PARD3B: variants seen among roughly 807,000 people sequenced by gnomAD.
The protein encoded by PARD3B is partitioning defective 3 homolog B.
A neutral mutation model predicts 130.2 loss-of-function variants in PARD3B; 103 were observed. That is an observed-to-expected ratio of 0.79 (90% CI 0.67 to 0.93). The LOEUF is 0.93. Ranked by LOEUF, PARD3B falls within the 40% of genes least tolerant of loss-of-function variation. The pLI is 0.00. For synonymous variants in PARD3B, 583 were observed against 553.2 expected (o/e 1.05, Z -0.76); for missense variants, 1,609 against 1,499.2 (o/e 1.07, Z -1.21).
chr2:204,746,732 T>G (rs1298566918), intron 2 of PARD3B, among the ~76,000 whole-genome samples: 3 of 152,186 alleles, frequency 2.0e-5, no homozygotes, highest in Non-Finnish European at 4.4e-5. Context: ...TGATGGCCAG[T>G]GATGACGAGC....
Position 205,360,670 on chromosome 2 carries a change from G to A in PARD3B, c.2631-40343G>A, listed in dbSNP as rs531027124. 7.2e-5 allele frequency among the ~76,000 whole-genome samples: 11 copies of A among 152,250 alleles called. No individual in the cohort carries two copies. The South Asian group carries it at 2.3e-3, about 32-fold the overall frequency. On this transcript the variant is annotated intron_variant, in intron 18 of 22. Transcript: ENST00000406610. Reference sequence around the variant, plus strand: ...TGGGGTTGGGGCATACCGTGTCATGGCCAGGTGCATGGGCTCTGGGGCTGA... The same window carrying A: ...TGGGGTTGGGGCATACCGTGTCATGACCAGGTGCATGGGCTCTGGGGCTGA...
At chr2:205,219,275 T>C (rs2038112274) in intron 15 of PARD3B, among the ~76,000 whole-genome samples, 1 of 152,180 alleles carries the variant, frequency 6.6e-6, no homozygotes, top group Admixed American at 6.5e-5. Flanking sequence ...GTGATTTAAG[T>C]GAGCTCATCT....
Position 205,193,334 on chromosome 2 carries a change from A to G in PARD3B, c.2140+14A>G. The G allele has an allele frequency of 6.4e-7, 1 of 1,559,950 alleles. No individual in the cohort carries two copies. Among genetic ancestry groups the G allele is most frequent in the Non-Finnish European group, 8.8e-7 (1 of 1,130,864 alleles). Reference sequence around the variant, plus strand: ...GCATGGACCTTGGTAAGCAAGGGTGAGGTGACATCCAGGTCAGCTCTCCAG... The same window carrying G: ...GCATGGACCTTGGTAAGCAAGGGTGGGGTGACATCCAGGTCAGCTCTCCAG... On this transcript the variant is annotated intron_variant, in intron 15 of 22. Transcript: ENST00000406610.
Position 205,301,610 on chromosome 2 carries a change from G to A in PARD3B, c.2539G>A (p.Gly847Ser), listed in dbSNP as rs919457776. ...AGAGAAGGAGAAGAAAAAGGAAAAG[G>A]GCAAATTGAAAGTCAAGGAGAAAAA... ...TKEKEKKKEK[G>S]KLKVKEKKRK... The change falls in exon 18 of 23, where the codon GGC (glycine) becomes AGC (serine). Residue 847 changes from glycine to serine, a missense_variant. Physicochemically the swap from Gly to Ser is moderately conservative, Grantham distance 56 (BLOSUM62 0). Coordinates refer to ENST00000406610, the MANE Select transcript of PARD3B (RefSeq NM_001302769.2). This position sits in a 1 kb window ranked among gnomAD's most constrained non-coding sequence, Gnocchi z 5.2. 2 of 1,613,438 alleles carry A rather than the reference G, an allele frequency of 1.2e-6. No homozygotes were observed. Among genetic ancestry groups the A allele is most frequent in the African/African-American group, 1.3e-5 (1 of 74,840 alleles).
At chr2:204,671,581 C>T (rs1549013) in intron 1 of PARD3B, among the ~76,000 whole-genome samples, 113,230 of 151,952 alleles carry the variant, frequency 0.75, 42,898 homozygotes, top group South Asian at 0.81. Flanking sequence ...CTTTCCTTTT[C>T]CTGTCTGCAT....
intron 2 of PARD3B, among the ~76,000 whole-genome samples, chr2:204,831,624 A>C (rs1234485663): frequency 6.6e-6 from 1 of 152,170 alleles, no homozygotes; most frequent in East Asian, 1.9e-4. Context: ...AACCAGATCT[A>C]TTGAATTTAC....
At chr2:204,913,704 A>G (rs546559098) in intron 2 of PARD3B, among the ~76,000 whole-genome samples, 72 of 152,330 alleles carry the variant, frequency 4.7e-4, no homozygotes, top group African/African-American at 1.6e-3. Flanking sequence ...TGTCTAGTTT[A>G]AGAAGTTTTG....
chr2:205,176,053 G>A lies in PARD3B; in HGVS notation c.1792-392G>A, dbSNP rs560221023. Among the ~76,000 whole-genome samples, 2 of 152,290 alleles carry A rather than the reference G, an allele frequency of 1.3e-5. No individual in the cohort carries two copies. Among genetic ancestry groups the A allele is most frequent in the African/African-American group, 4.8e-5 (2 of 41,562 alleles). On this transcript the variant is annotated intron_variant, in intron 12 of 22. Transcript: ENST00000406610. This position sits in a 1 kb window ranked among gnomAD's most constrained non-coding sequence, Gnocchi z 5.3. ...TGTCCTAGAGCATATGCACTTAGGC[G>A]CAGAGAGAGAGAGGAACCAGCTGGT... is the stretch of plus-strand genomic sequence containing the variant.
intron 18 of PARD3B, among the ~76,000 whole-genome samples, chr2:205,398,595 T>C (rs955766668): frequency 1.3e-5 from 2 of 152,112 alleles, no homozygotes; most frequent in Admixed American, 6.6e-5. Context: ...GAAGACTTGC[T>C]AATTGAAATA....
At position 205,585,025 on chromosome 2, in the gene PARD3B, C is replaced by A. The variant is rs187578263; in HGVS notation, c.3261-30431C>A. Among the ~76,000 whole-genome samples the A allele has an allele frequency of 6.6e-6, 1 of 152,314 alleles. No individual in the cohort carries two copies. The highest frequency in any genetic ancestry group is 1.9e-4 in the East Asian group (1 of 5,170). ...AAATGACCGTTTGACAGGCACCACTCATTGTGCACACCCGCTGATTATGGG... is the reference window on the plus strand; with the variant it reads ...AAATGACCGTTTGACAGGCACCACTAATTGTGCACACCCGCTGATTATGGG... On this transcript the variant is annotated intron_variant, in intron 22 of 22. Coordinates refer to ENST00000406610, the MANE Select transcript of PARD3B (RefSeq NM_001302769.2). The surrounding 1 kb of genome is among the most constrained non-coding windows in gnomAD (Gnocchi z 5.4).
At chr2:205,480,726 C>A (rs940796235) in intron 20 of PARD3B, among the ~76,000 whole-genome samples, 2 of 152,188 alleles carry the variant, frequency 1.3e-5, no homozygotes, top group Admixed American at 1.3e-4. Flanking sequence ...GTGCTCTCAA[C>A]ACCTTCTGTT....
At chr2:205,227,037 A>G (rs2038589412) in intron 15 of PARD3B, among the ~76,000 whole-genome samples, 1 of 151,468 alleles carries the variant, frequency 6.6e-6, no homozygotes, top group South Asian at 2.1e-4. Context: ...GTCAGAGAAT[A>G]TACTCGATAT....
intron 1 of PARD3B, among the ~76,000 whole-genome samples, chr2:204,564,844 A>G (rs775046651): frequency 1.3e-5 from 2 of 152,254 alleles, no homozygotes; most frequent in Non-Finnish European, 2.9e-5. Context: ...AATTGTAGAT[A>G]TGCTTTTTGT....
intron 22 of PARD3B, among the ~76,000 whole-genome samples, chr2:205,560,002 A>C (rs547888172): frequency 6.6e-6 from 1 of 152,276 alleles, no homozygotes; most frequent in African/African-American, 2.4e-5. Flanking sequence ...CAACCCTGTG[A>C]CTCAGCAGCA....
chr2:204,590,306 C>T (rs772233322), intron 1 of PARD3B, among the ~76,000 whole-genome samples: 10 of 152,308 alleles, frequency 6.6e-5, no homozygotes, highest in East Asian at 1.9e-4. Flanking sequence ...ACCTTCCCAA[C>T]GCCCTGCCTC....
intron 1 of PARD3B, among the ~76,000 whole-genome samples, chr2:204,591,435 A>G (rs1208546607): frequency 2.6e-5 from 4 of 152,238 alleles, no homozygotes. Context: ...AGATGGCTGC[A>G]TGCCTGATGT....
chr2:205,204,189 T>A (rs1008834338), intron 15 of PARD3B, among the ~76,000 whole-genome samples: 1 of 152,252 alleles, frequency 6.6e-6, no homozygotes, highest in Non-Finnish European at 1.5e-5. Context: ...TGATTTGCAT[T>A]TGTCTAATGA....
At chr2:204,727,192 C>CTTGTTTGT (rs761948288) in intron 2 of PARD3B, among the ~76,000 whole-genome samples, 4 of 152,048 alleles carry the variant, frequency 2.6e-5, no homozygotes, top group African/African-American at 9.7e-5. Flanking sequence ...TAACACAGCT[C>CTTGTTTGT]TTGTTTGTTT....
At chr2:204,685,551 C>G (rs1292699761) in intron 1 of PARD3B, among the ~76,000 whole-genome samples, 1 of 152,100 alleles carries the variant, frequency 6.6e-6, no homozygotes, top group Admixed American at 6.6e-5. Flanking sequence ...AATTACTACC[C>G]CAACTCAGTG....
Sources: allele counts gnomAD v4.1 joint callset (sites outside exome capture counted in the v4.1 genomes callset), GRCh38; gene constraint gnomAD v4.1.1; non-coding constraint Gnocchi (gnomAD v3.1); transcripts MANE v1.5; gene names NCBI Gene and HGNC (gene_info 2026-07-23, HGNC 2026-07-21).